PRDM16: variants seen among roughly 807,000 people sequenced by gnomAD.
The protein encoded by PRDM16 is histone-lysine N-methyltransferase PRDM16.
A neutral mutation model predicts 110.6 loss-of-function variants in PRDM16; 23 were observed. That is an observed-to-expected ratio of 0.21 (90% CI 0.15 to 0.29). The LOEUF is 0.29. Ranked by LOEUF, PRDM16 falls within the 10% of genes least tolerant of loss-of-function variation. PRDM16 has a pLI of 1.00. For missense variants in PRDM16, 1,615 were observed against 1,794.3 expected (o/e 0.90, Z 1.81); for synonymous variants, 799 against 781.8 (o/e 1.02, Z -0.37).
chr1:3,180,470 C>T (rs1179620379), intron 1 of PRDM16, among the ~76,000 whole-genome samples: 2 of 152,162 alleles, frequency 1.3e-5, no homozygotes, highest in Non-Finnish European at 2.9e-5. Context: ...TGGGTCCCAT[C>T]TTGGGCATCT....
At chr1:3,104,852 A>C (rs182539185) in intron 1 of PRDM16, among the ~76,000 whole-genome samples, 16 of 152,244 alleles carry the variant, frequency 1.1e-4, no homozygotes, top group Admixed American at 5.2e-4. Context: ...AGCATCTGGT[A>C]CCCAGTGGCC....
chr1:3,160,026 T>C (rs537146891), intron 1 of PRDM16, among the ~76,000 whole-genome samples: 5 of 152,332 alleles, frequency 3.3e-5, no homozygotes, highest in African/African-American at 1.2e-4. Context: ...TCTGTATTTT[T>C]ATTTCCTAAC....
chr1:3,145,890 G>C (rs78117789), intron 1 of PRDM16, among the ~76,000 whole-genome samples: 1 of 152,144 alleles, frequency 6.6e-6, no homozygotes, highest in Non-Finnish European at 1.5e-5. Flanking sequence ...TGGGCAGCCC[G>C]GTCAGCCCGG....
At position 3,413,783 on chromosome 1, in the gene PRDM16, G is replaced by A. The variant is rs563307815; in HGVS notation, c.2604-777G>A. On this transcript the variant is annotated intron_variant, in intron 9 of 16. Coordinates refer to ENST00000270722, the MANE Select transcript of PRDM16 (RefSeq NM_022114.4). ...AGAGAAGAGCAGGCTGCCTTCAAGA[G>A]CCACCAGGCCAAAGGAGGGTCAGTG... 1.3e-4 allele frequency among the ~76,000 whole-genome samples: 20 copies of A among 152,350 alleles called. No individual in the cohort carries two copies. In the South Asian group the frequency reaches 1.4e-3, roughly 11 times the overall value.
rs957235945 is a variant in PRDM16 at position 3,290,349 on chromosome 1, G to T, written c.438+46212G>T. 6.6e-6 allele frequency among the ~76,000 whole-genome samples: 1 copy of T among 152,190 alleles called. No homozygotes were observed. Among genetic ancestry groups the T allele is most frequent in the African/African-American group, 2.4e-5 (1 of 41,438 alleles). ...TCCATGCTCAAAATGGCTGGAAGAG[G>T]AGAGCCTCTCAGTATCCCCACCTTA... On this transcript the variant is annotated intron_variant, in intron 3 of 16. Coordinates refer to ENST00000270722, the MANE Select transcript of PRDM16 (RefSeq NM_022114.4). The surrounding 1 kb of genome is among the most constrained non-coding windows in gnomAD (Gnocchi z 4.8).
intron 14 of PRDM16, among the ~76,000 whole-genome samples, chr1:3,427,095 T>G (rs1041980441): frequency 6.6e-5 from 10 of 152,190 alleles, no homozygotes; most frequent in African/African-American, 2.4e-4. Context: ...TGTACACGCA[T>G]GGGCGCACGT....
At chr1:3,105,558 G>C (rs975990174) in intron 1 of PRDM16, among the ~76,000 whole-genome samples, 1 of 152,202 alleles carries the variant, frequency 6.6e-6, no homozygotes, top group Non-Finnish European at 1.5e-5. Flanking sequence ...CTTTGTTCCC[G>C]GCATCCCCTC....
chr1:3,146,815 T>C (rs1643671450), intron 1 of PRDM16, among the ~76,000 whole-genome samples: 1 of 113,422 alleles, frequency 8.8e-6, no homozygotes, highest in Non-Finnish European at 1.8e-5. Context: ...ACGTGTGTGC[T>C]CAGTATGGAG....
In PRDM16 at chr1:3,222,223, C is replaced by T. The variant is rs1342105159; in HGVS notation, c.388-21864C>T. 2.0e-5 allele frequency among the ~76,000 whole-genome samples: 3 copies of T among 148,584 alleles called. No homozygotes were observed. In the East Asian group the frequency reaches 6.2e-4, roughly 31 times the overall value. On this transcript the variant is annotated intron_variant, in intron 2 of 16. Transcript: ENST00000270722. ...AGGGCTGCCCACGTGGGTTCCCTCCCACCCACCCAGCCCAGCCTCCCCCAG... is the reference window on the plus strand; with the variant it reads ...AGGGCTGCCCACGTGGGTTCCCTCCTACCCACCCAGCCCAGCCTCCCCCAG...
At chr1:3,274,113 C>T (rs1477994128) in intron 3 of PRDM16, among the ~76,000 whole-genome samples, 13 of 151,640 alleles carry the variant, frequency 8.6e-5, no homozygotes, top group African/African-American at 4.9e-5. Flanking sequence ...GAGGAAAAGA[C>T]GAATACAAGA....
rs141678703 is a variant in PRDM16 at position 3,158,667 on chromosome 1, C to CTCTT, written c.38-27442_38-27439dup. On this transcript the variant is annotated intron_variant, in intron 1 of 16. Coordinates refer to ENST00000270722, the MANE Select transcript of PRDM16 (RefSeq NM_022114.4). ...GGAGATTTTTCTTTTTCTTTTTTCT[C>CTCTT]TCTTTCTTTCTTTCTTTCTCTTTCT... Among the ~76,000 whole-genome samples, 184 of 151,670 alleles carry CTCTT rather than the reference C, an allele frequency of 1.2e-3. 2 individuals carry two copies. The highest frequency in any genetic ancestry group is 3.4e-3 in the Middle Eastern group (1 of 294).
rs755705452 is a variant in PRDM16 at position 3,186,419 on chromosome 1, G to A, written c.332G>A (p.Gly111Asp). ...KRKMEAGERL[G>D]PCVVVPRAAA... ...AAGATGGAAGCCGGGGAGAGGCTGG[G>A]CCCCTGCGTGGTGGTGCCCCGGGCG... Residue 111 changes from glycine (G) to aspartate (D), a missense_variant, in exon 2 of 17, where the codon GGC becomes GAC. Around this residue, in one of 5 missense-constraint regions of PRDM16, gnomAD observed 416 missense variants for 467.1 expected, o/e 0.89. Transcript: ENST00000270722. The A allele has an allele frequency of 2.6e-5, 42 of 1,586,274 alleles. No individual in the cohort carries two copies. In the Admixed American group the frequency reaches 3.6e-4, roughly 14 times the overall value.
At chr1:3,154,304 C>T (rs1303271874) in intron 1 of PRDM16, among the ~76,000 whole-genome samples, 3 of 152,156 alleles carry the variant, frequency 2.0e-5, no homozygotes, top group Admixed American at 6.5e-5. Context: ...GGCAGGGGGA[C>T]GCTTTTGAGG....
chr1:3,417,715 T>TGCCC, intron 10 of PRDM16, 113 bp from the exon 11 acceptor site: 3 of 898,912 alleles, frequency 3.3e-6, no homozygotes, highest in Non-Finnish European at 5.4e-6. Context: ...TTGCTTCCAG[T>TGCCC]GCCCACCTGA....
chr1:3,342,805 A>G (rs2483286), intron 3 of PRDM16, among the ~76,000 whole-genome samples: 61,596 of 152,088 alleles, frequency 0.41, 14,328 homozygotes, highest in African/African-American at 0.64. Context: ...TATCTATGCC[A>G]CTGCACTTGT....
chr1:3,175,022 G>A lies in PRDM16; in HGVS notation c.38-11103G>A, dbSNP rs984535717. On this transcript the variant is annotated intron_variant, in intron 1 of 16. Coordinates refer to ENST00000270722, the MANE Select transcript of PRDM16 (RefSeq NM_022114.4). The surrounding 1 kb of genome is among the most constrained non-coding windows in gnomAD (Gnocchi z 4.8). ...TGAGTCCCAGTGCCGCAGGGCAGCCGCGGTCCCGGGCTGGTCAGAAGGTGG... is the reference window on the plus strand; with the variant it reads ...TGAGTCCCAGTGCCGCAGGGCAGCCACGGTCCCGGGCTGGTCAGAAGGTGG... Among the ~76,000 whole-genome samples the A allele has an allele frequency of 3.9e-5, 6 of 152,156 alleles. No homozygotes were observed. The highest frequency in any genetic ancestry group is 1.3e-4 in the Admixed American group (2 of 15,280).
chr1:3,120,093 C>T (rs1643060887), intron 1 of PRDM16, among the ~76,000 whole-genome samples: 1 of 152,230 alleles, frequency 6.6e-6, no homozygotes, highest in Non-Finnish European at 1.5e-5. Flanking sequence ...ACCACCAGCC[C>T]TTATCCCACA....
rs900396353 is a variant in PRDM16 at position 3,081,501 on chromosome 1, G to A, written c.37+12205G>A. The stretch of plus-strand genomic sequence containing the variant: ...GGAGCAGGGCTGAGGTGGGGAGAAC[G>A]CCGACTTGCATTTTCTGACAGTCCC... On this transcript the variant is annotated intron_variant, in intron 1 of 16. Coordinates refer to ENST00000270722, the MANE Select transcript of PRDM16 (RefSeq NM_022114.4). This position sits in a 1 kb window ranked among gnomAD's most constrained non-coding sequence, Gnocchi z 4.6. Among the ~76,000 whole-genome samples the A allele has an allele frequency of 6.6e-6, 1 of 152,160 alleles. No homozygotes were observed. The highest frequency in any genetic ancestry group is 1.5e-5 in the Non-Finnish European group (1 of 68,018).
chr1:3,200,562 T>TC lies in PRDM16; in HGVS notation c.387+14089dup, dbSNP rs558911081. Among the ~76,000 whole-genome samples, 345 of 152,320 alleles carry TC rather than the reference T, an allele frequency of 2.3e-3. 3 individuals carry two copies. The highest frequency in any genetic ancestry group is 8.0e-3 in the African/African-American group (332 of 41,580). On this transcript the variant is annotated intron_variant, in intron 2 of 16. Coordinates refer to ENST00000270722, the MANE Select transcript of PRDM16 (RefSeq NM_022114.4). ...TTTCACCGTGTTAGCCAGGATGGTC[T>TC]CGATCTTCTGACCCTGTGATCTGCC...
Sources: allele counts gnomAD v4.1 joint callset (sites outside exome capture counted in the v4.1 genomes callset), GRCh38; gene constraint gnomAD v4.1.1; regional missense constraint gnomAD v4.1.1; non-coding constraint Gnocchi (gnomAD v3.1); transcripts MANE v1.5; gene names NCBI Gene and HGNC (gene_info 2026-07-23, HGNC 2026-07-21).